The following ZNF586 variants were observed in gnomAD, a reference collection of about 807,000 sequenced individuals.
ZNF586 encodes zinc finger protein 586.
ZNF586 carries 7 observed loss-of-function variants against 6.7 expected under a neutral mutation model. The observed-to-expected ratio is 1.04, with a 90% CI of 0.59 to 1.95. The LOEUF is 1.95. Ranked by LOEUF, ZNF586 falls within the 30% of genes most tolerant of loss-of-function variation. The pLI is 0.00. For missense variants in ZNF586, 442 were observed against 489.6 expected, an observed-to-expected ratio of 0.90 and a Z score of 0.92; for synonymous variants, 166 against 168.7, an observed-to-expected ratio of 0.98 and a Z score of 0.12.
At chr19:57,771,778 C>T (rs1213999235) in intron 1 of ZNF586, among the ~76,000 whole-genome samples, 5 of 151,974 alleles carry the variant, frequency 3.3e-5, no homozygotes, top group African/African-American at 1.2e-4. Flanking sequence ...AGAGTTGTGG[C>T]TTAGGCAATG....
Position 57,779,102 on chromosome 19 carries a change from A to T in ZNF586, c.515A>T (p.His172Leu). 1 of 1,614,178 alleles carries T rather than the reference A, an allele frequency of 6.2e-7. No individual in the cohort carries two copies. Among genetic ancestry groups the T allele is most frequent in the Non-Finnish European group, 8.5e-7 (1 of 1,180,024 alleles). Residue 172 changes from histidine to leucine, a missense_variant, in exon 3 of 3, where the codon CAC becomes CTC. By Grantham distance (99) the His-to-Leu change is moderately conservative. Transcript: ENST00000396154. ...SSSLLQRQTLHTRERPYECIE... is the reference protein window; with the variant it reads ...SSSLLQRQTLLTRERPYECIE... The stretch of plus-strand genomic sequence containing the variant: ...TCACTCTTGCAGCGTCAGACACTTC[A>T]CACTAGAGAAAGGCCTTATGAGTGT...
At chr19:57,773,040 C>T (rs1298981571) in intron 1 of ZNF586, among the ~76,000 whole-genome samples, 4 of 152,082 alleles carry the variant, frequency 2.6e-5, no homozygotes, top group Non-Finnish European at 5.9e-5. Flanking sequence ...GAGTTGCATG[C>T]CAGAAAAGGA....
At chr19:57,778,495 C>T (rs918391385) in intron 2 of ZNF586, among the ~76,000 whole-genome samples, 1 of 152,118 alleles carries the variant, frequency 6.6e-6, no homozygotes, top group South Asian at 2.1e-4. Context: ...GTTCCACAGG[C>T]AAGTTGTTTG....
At position 57,769,806 on chromosome 19, in the gene ZNF586, A is replaced by G. The variant is rs1416530310; in HGVS notation, c.-37A>G. ...GACCCGGGACAGGACAACGACAGGAACACCGCCGAGCCCGCGTTCCCCCCC... is the reference window on the plus strand; with the variant it reads ...GACCCGGGACAGGACAACGACAGGAGCACCGCCGAGCCCGCGTTCCCCCCC... On this transcript the variant is annotated 5_prime_UTR_variant, in exon 1 of 3. Transcript: ENST00000396154. 1 of 1,541,178 alleles carries G rather than the reference A, an allele frequency of 6.5e-7. No individual in the cohort carries two copies. The highest frequency in any genetic ancestry group is 8.7e-7 in the Non-Finnish European group (1 of 1,144,734).
At chr19:57,776,696 C>G (rs1568483513) in intron 2 of ZNF586, 27 bp downstream of exon 2, 2 of 1,569,902 alleles carry the variant, frequency 1.3e-6, no homozygotes, top group Non-Finnish European at 8.6e-7. Flanking sequence ...CACCTGTGAC[C>G]TGAGTTAGTC....
intron 2 of ZNF586, 51 bp from the exon 3 acceptor site, chr19:57,778,700 G>A (rs1987299161): frequency 6.6e-7 from 1 of 1,511,986 alleles, no homozygotes; most frequent in Admixed American, 2.0e-5. Context: ...TGGGTAGGCT[G>A]CATACTCAAC....
intron 1 of ZNF586, among the ~76,000 whole-genome samples, chr19:57,771,191 C>T (rs1987087227): frequency 6.6e-6 from 1 of 151,448 alleles, no homozygotes; most frequent in South Asian, 2.1e-4. Context: ...GTCCCAACTA[C>T]TTGGGAGGCT....
At chr19:57,773,746 G>C (rs1326895434) in intron 1 of ZNF586, among the ~76,000 whole-genome samples, 1 of 152,242 alleles carries the variant, frequency 6.6e-6, no homozygotes, top group African/African-American at 2.4e-5. Flanking sequence ...GCTGGAGCTT[G>C]TGTTTATTGG....
chr19:57,771,820 G>A (rs568927731), intron 1 of ZNF586, among the ~76,000 whole-genome samples: 1 of 151,978 alleles, frequency 6.6e-6, no homozygotes, highest in South Asian at 2.1e-4. Context: ...TTTTTAGAGG[G>A]GCAAGTCAAT....
At position 57,778,733 on chromosome 19, in the gene ZNF586, G is replaced by C; in HGVS notation, c.164-18G>C. On this transcript the variant is annotated intron_variant, in intron 2 of 2. Coordinates refer to ENST00000396154, the MANE Select transcript of ZNF586 (RefSeq NM_017652.4). ...AACAAAGTCAACATGTACCTCACCA[G>C]CATTTCTTTGCTTTTAGGTTGTTGG... The C allele has an allele frequency of 6.3e-7, 1 of 1,585,860 alleles. No individual in the cohort carries two copies. The highest frequency in any genetic ancestry group is 8.6e-7 in the Non-Finnish European group (1 of 1,166,160).
At chr19:57,773,035 G>C (rs967932469) in intron 1 of ZNF586, among the ~76,000 whole-genome samples, 1 of 152,142 alleles carries the variant, frequency 6.6e-6, no homozygotes, top group Non-Finnish European at 1.5e-5. Context: ...TTTAGGAGTT[G>C]CATGCCAGAA....
At chr19:57,772,009 G>A (rs1350482129) in intron 1 of ZNF586, among the ~76,000 whole-genome samples, 1 of 152,082 alleles carries the variant, frequency 6.6e-6, no homozygotes, top group East Asian at 1.9e-4. Flanking sequence ...ATTTTTAGTA[G>A]AGACTAGGTT....
chr19:57,776,451 G>A, intron 1 of ZNF586, 92 bp from the exon 2 acceptor site: 1 of 1,464,050 alleles, frequency 6.8e-7, no homozygotes, highest in East Asian at 2.4e-5. Flanking sequence ...CTGGGAGGAG[G>A]AGGATGGGCA....
In ZNF586 at chr19:57,779,569, C is replaced by T. The variant is rs756114389; in HGVS notation, c.982C>T (p.Arg328Ter). The T allele has an allele frequency of 2.9e-5, 47 of 1,612,010 alleles. No individual in the cohort carries two copies. Among genetic ancestry groups the T allele is most frequent in the Non-Finnish European group, 3.8e-5 (45 of 1,179,600 alleles). ...CGGGCAGTGTGGGAAATCCTTTAGC[C>T]GAAAATCTAGCCTTATTATACATCT... ...ECGQCGKSFSRKSSLIIHLRV... is the reference protein window; with the variant it reads ...ECGQCGKSFS Residue 328 changes from arginine (R) to a stop codon, truncating the protein, a stop_gained, in exon 3 of 3, where the codon CGA becomes TGA. Coordinates refer to ENST00000396154, the MANE Select transcript of ZNF586 (RefSeq NM_017652.4). LOFTEE classifies it low-confidence loss of function (END_TRUNC).
chr19:57,773,736 G>C (rs1482902659), intron 1 of ZNF586, among the ~76,000 whole-genome samples: 1 of 152,242 alleles, frequency 6.6e-6, no homozygotes, highest in African/African-American at 2.4e-5. Context: ...TGACACTCAG[G>C]CTGGAGCTTG....
At chr19:57,775,271 AGGCGTG>A (rs1305831499) in intron 1 of ZNF586, among the ~76,000 whole-genome samples, 3 of 152,122 alleles carry the variant, frequency 2.0e-5, no homozygotes, top group Non-Finnish European at 4.4e-5. Context: ...CAGGGATTAT[AGGCGTG>A]GGCGTGAGCC....
At position 57,769,828 on chromosome 19, in the gene ZNF586, C is replaced by A. The variant is rs1568481777; in HGVS notation, c.-15C>A. Reference sequence around the variant, plus strand: ...GGAACACCGCCGAGCCCGCGTTCCCCCCCCGCCCAGAGTCATGGCGGCAGC... The same window carrying A: ...GGAACACCGCCGAGCCCGCGTTCCCACCCCGCCCAGAGTCATGGCGGCAGC... On this transcript the variant is annotated 5_prime_UTR_variant, in exon 1 of 3. Coordinates refer to ENST00000396154, the MANE Select transcript of ZNF586 (RefSeq NM_017652.4). 1.3e-6 allele frequency: 2 copies of A among 1,545,778 alleles called. No homozygotes were observed. Among genetic ancestry groups the A allele is most frequent in the South Asian group, 2.4e-5 (2 of 84,032 alleles).
intron 2 of ZNF586, among the ~76,000 whole-genome samples, chr19:57,778,041 C>T (rs1209645026): frequency 6.6e-6 from 1 of 151,104 alleles, no homozygotes. Context: ...CAGGTGTGAG[C>T]CACCGCGCCC....
At position 57,771,289 on chromosome 19, in the gene ZNF586, A is replaced by G. The variant is rs180779026; in HGVS notation, c.36+1411A>G. On this transcript the variant is annotated intron_variant, in intron 1 of 2. Transcript: ENST00000396154. ...GCACTCCAGCCTGGGCGACAGAGAA[A>G]GACTCCGTCTGAAAAAAAAAAAAAA... 8.3e-3 allele frequency among the ~76,000 whole-genome samples: 1,114 copies of G among 134,934 alleles called. 17 individuals are homozygous for G. The highest frequency in any genetic ancestry group is 0.032 in the African/African-American group (1,056 of 32,964). 88.5% of individuals were successfully genotyped at this position (134,934 alleles called of 152,430 possible).
Sources: allele counts gnomAD v4.1 joint callset (sites outside exome capture counted in the v4.1 genomes callset), GRCh38; gene constraint gnomAD v4.1.1; transcripts MANE v1.5; gene names NCBI Gene and HGNC (gene_info 2026-07-23, HGNC 2026-07-21).